The following CCDC195 variants were observed in gnomAD, a reference collection of about 807,000 sequenced individuals.
The protein encoded by CCDC195 is coiled-coil domain-containing protein 195.
At chr2:224,704,605 CTTTT>C (rs1697215739) in intron 2 of CCDC195, among the ~76,000 whole-genome samples, 1 of 109,702 alleles carries the variant, frequency 9.1e-6, no homozygotes, top group Middle Eastern at 4.8e-3. Flanking sequence ...TTTTTCTTTT[CTTTT>C]CTTTTTTTTT....
At chr2:224,707,368 G>T (rs989633629) in intron 2 of CCDC195, among the ~76,000 whole-genome samples, 2 of 152,172 alleles carry the variant, frequency 1.3e-5, no homozygotes, top group African/African-American at 4.8e-5. Context: ...GTCACACCAG[G>T]CTCCTGGCCT....
At chr2:224,716,258 A>T in exon 1 of CCDC195, 1 of 398,654 alleles carries the variant, frequency 2.5e-6, no homozygotes, top group Non-Finnish European at 4.4e-6. Flanking sequence ...AGGCTCTCTG[A>T]CTACTTGCAG....
intron 1 of CCDC195, among the ~76,000 whole-genome samples, chr2:224,713,828 G>T (rs1358396739): frequency 8.2e-6 from 1 of 121,738 alleles, no homozygotes; most frequent in Non-Finnish European, 1.6e-5. Flanking sequence ...TTTGAGACAA[G>T]GTCACTCTTG....
At chr2:224,709,676 A>C (rs1689289417) in intron 2 of CCDC195, among the ~76,000 whole-genome samples, 1 of 152,162 alleles carries the variant, frequency 6.6e-6, no homozygotes, top group South Asian at 2.1e-4. Context: ...GTAATGGCTT[A>C]CTTTTGCTGA....
chr2:224,706,915 G>A (rs901527893), intron 2 of CCDC195, among the ~76,000 whole-genome samples: 2 of 144,432 alleles, frequency 1.4e-5, no homozygotes, highest in South Asian at 2.3e-4. Flanking sequence ...ATACACACAC[G>A]CGCACTTTTT....
intron 1 of CCDC195, among the ~76,000 whole-genome samples, chr2:224,715,129 A>G (rs1445327153): frequency 6.6e-6 from 1 of 152,078 alleles, no homozygotes; most frequent in Non-Finnish European, 1.5e-5. Context: ...GGGTTTCACC[A>G]TGTTGGCCAG....
intron 2 of CCDC195, among the ~76,000 whole-genome samples, chr2:224,707,833 C>T (rs1689233441): frequency 6.6e-6 from 1 of 152,144 alleles, no homozygotes; most frequent in African/African-American, 2.4e-5. Flanking sequence ...ATGACATTTG[C>T]CCCTGGGAGG....
chr2:224,711,306 C>A (rs943794872), intron 1 of CCDC195, among the ~76,000 whole-genome samples: 5 of 150,074 alleles, frequency 3.3e-5, no homozygotes, highest in African/African-American at 1.2e-4. Flanking sequence ...AATTCAGTTT[C>A]TATTCATAGA....
chr2:224,704,610 C>CTTTTTTTTTTTTTTTTT (rs55801561), intron 2 of CCDC195, among the ~76,000 whole-genome samples: 36 of 110,620 alleles, frequency 3.3e-4, no homozygotes, highest in Non-Finnish European at 4.7e-4. Context: ...CTTTTCTTTT[C>CTTTTTTTTTTTTTTTTT]TTTTTTTTTT....
At chr2:224,708,875 C>G (rs1236357055) in intron 2 of CCDC195, among the ~76,000 whole-genome samples, 1 of 152,072 alleles carries the variant, frequency 6.6e-6, no homozygotes, top group African/African-American at 2.4e-5. Context: ...AGAGATCTTG[C>G]TGAAGAGTTA....
At chr2:224,703,924 T>A (rs1037236797) in intron 2 of CCDC195, 37 bp from the exon 3 acceptor site, 2 of 398,264 alleles carry the variant, frequency 5.0e-6, no homozygotes, top group African/African-American at 4.1e-5. Context: ...AAAAGACTTT[T>A]TAGTGAGACT....
chr2:224,710,391 C>T (rs992156494), intron 1 of CCDC195, among the ~76,000 whole-genome samples, 172 bp from the exon 2 acceptor site: 1 of 152,090 alleles, frequency 6.6e-6, no homozygotes, highest in Non-Finnish European at 1.5e-5. Flanking sequence ...ACCTGTAATC[C>T]CAGCACTTTG....
chr2:224,713,347 A>G (rs1450725945), intron 1 of CCDC195, among the ~76,000 whole-genome samples: 1 of 152,222 alleles, frequency 6.6e-6, no homozygotes, highest in African/African-American at 2.4e-5. Context: ...ATTTACATTG[A>G]ATCTTACTTA....
At chr2:224,706,894 T>C (rs1169157237) in intron 2 of CCDC195, among the ~76,000 whole-genome samples, 3 of 148,020 alleles carry the variant, frequency 2.0e-5, no homozygotes, top group African/African-American at 7.3e-5. Context: ...TGTGTGTATA[T>C]ATATATATAT....
At chr2:224,706,509 C>CT (rs35298629) in intron 2 of CCDC195, among the ~76,000 whole-genome samples, 12,886 of 95,670 alleles carry the variant, frequency 0.13, 1,289 homozygotes, top group East Asian at 0.22. Flanking sequence ...CTGGCTGTAA[C>CT]TTTTTTTTTT....
chr2:224,706,357 G>A (rs573936727), intron 2 of CCDC195, among the ~76,000 whole-genome samples: 91 of 147,950 alleles, frequency 6.2e-4, no homozygotes, highest in Middle Eastern at 3.7e-3. Context: ...GGCATACACC[G>A]CCACACCTGG....
chr2:224,707,954 ACCTCCCTCCCTCCCTTCTTCCCTC>A (rs1689240947), intron 2 of CCDC195, among the ~76,000 whole-genome samples: 1 of 69,432 alleles, frequency 1.4e-5, no homozygotes, highest in East Asian at 4.1e-4. Context: ...TCTTCTCTTT[ACCTCCCTCCCTCCCTTCTTCCCTC>A]CCTCCCTCCC....
intron 1 of CCDC195, among the ~76,000 whole-genome samples, 161 bp from the exon 2 acceptor site, chr2:224,710,380 C>T (rs1248356309): frequency 3.3e-5 from 5 of 152,230 alleles, no homozygotes; most frequent in African/African-American, 7.2e-5. Context: ...CGGTGGCTCA[C>T]ACCTGTAATC....
At chr2:224,709,500 A>AT (rs1342809954) in intron 2 of CCDC195, among the ~76,000 whole-genome samples, 1 of 152,090 alleles carries the variant, frequency 6.6e-6, no homozygotes, top group Non-Finnish European at 1.5e-5. Context: ...TTTTAAAACA[A>AT]TTTCCCCTAA....
Sources: gnomAD v4.1 joint callset for allele counts (sites outside exome capture counted in the v4.1 genomes callset) on GRCh38, gnomAD v4.1.1 for gene constraint, MANE v1.5 for transcripts, NCBI Gene and HGNC (gene_info 2026-07-23, HGNC 2026-07-21) for gene names.